LETM1: variants seen among roughly 807,000 people sequenced by gnomAD.
The protein encoded by LETM1 is leucine zipper and EF-hand containing transmembrane protein 1.
A neutral mutation model predicts 74.5 loss-of-function variants in LETM1; 50 were observed. That is an observed-to-expected ratio of 0.67 (90% CI 0.53 to 0.85). The LOEUF is 0.85. Ranked by LOEUF, LETM1 falls within the 40% of genes least tolerant of loss-of-function variation. The pLI, the probability that LETM1 is intolerant of heterozygous loss-of-function variation, is 0.00. For synonymous variants in LETM1, 446 were observed against 407.1 expected (o/e 1.10, Z -1.15); for missense variants, 824 against 967.8 (o/e 0.85, Z 1.97).
In LETM1 at chr4:1,856,049, G is replaced by C; in HGVS notation, c.-99C>G. ...CCCGGCGGCGCTTCAGACCCGGCCCGCGCGGACGGCTGACAGAGGCGGCTG... is the reference window on the plus strand; with the variant it reads ...CCCGGCGGCGCTTCAGACCCGGCCCCCGCGGACGGCTGACAGAGGCGGCTG... On this transcript the variant is annotated 5_prime_UTR_variant, in exon 1 of 14. Coordinates refer to ENST00000302787, the MANE Select transcript of LETM1 (RefSeq NM_012318.3). 1.4e-6 allele frequency: 1 copy of C among 711,720 alleles called. No homozygotes were observed. Among genetic ancestry groups the C allele is most frequent in the Non-Finnish European group, 1.9e-6 (1 of 525,528 alleles). The allele number at this position is 711,720 out of a possible 1,614,324, so 44.1% of individuals were successfully genotyped here.
At chr4:1,822,615 C>T (rs1036975007) in intron 9 of LETM1, 2 of 344,144 alleles carry the variant, frequency 5.8e-6, no homozygotes, top group African/African-American at 2.1e-5. Flanking sequence ...ATGCATGTGA[C>T]CCAAGAGGAC....
intron 12 of LETM1, 72 bp from the exon 13 acceptor site, chr4:1,815,874 T>C: frequency 6.4e-7 from 1 of 1,572,788 alleles, no homozygotes. Flanking sequence ...CCCACACCTG[T>C]GGCTGCAAGT....
intron 6 of LETM1, among the ~76,000 whole-genome samples, chr4:1,827,269 C>A (rs1208554948): frequency 7.0e-6 from 1 of 143,530 alleles, no homozygotes; most frequent in East Asian, 2.0e-4. Context: ...CCTGGATTGA[C>A]AGTTCTTTTT....
Position 1,823,777 on chromosome 4 carries a change from T to C in LETM1, c.1201-2A>G. 1 of 1,606,954 alleles carries C rather than the reference T, an allele frequency of 6.2e-7. No individual in the cohort carries two copies. Among genetic ancestry groups the C allele is most frequent in the Non-Finnish European group, 8.5e-7 (1 of 1,175,884 alleles). ...CTGATGCAGGTGCAGGTCCAGCCAC[T>C]GCAACCAAGGCCAGGTTCAGCAGAT... On this transcript the variant is annotated splice_acceptor_variant, in intron 7 of 13. Coordinates refer to ENST00000302787, the MANE Select transcript of LETM1 (RefSeq NM_012318.3). LOFTEE classifies it high-confidence loss of function.
chr4:1,830,467 G>C (rs1474789316), intron 6 of LETM1, among the ~76,000 whole-genome samples: 1 of 152,076 alleles, frequency 6.6e-6, no homozygotes, highest in Non-Finnish European at 1.5e-5. Flanking sequence ...AGTAGCTGGA[G>C]CTACAGGCGC....
intron 4 of LETM1, 82 bp from the exon 5 acceptor site, chr4:1,835,064 C>A: frequency 7.4e-7 from 1 of 1,345,010 alleles, no homozygotes; most frequent in Non-Finnish European, 1.0e-6. Flanking sequence ...CTGTGCCCGA[C>A]CCCCACTCCC....
Position 1,819,610 on chromosome 4 carries a change from G to A in LETM1, c.1609-138C>T, listed in dbSNP as rs139866003. On this transcript the variant is annotated intron_variant, in intron 10 of 13. Coordinates refer to ENST00000302787, the MANE Select transcript of LETM1 (RefSeq NM_012318.3). ...CACTGGACAGTCATTGGTAACAAGA[G>A]ACCCGCGGGGTTCAGGTTCACTGCT... 82 of 973,716 alleles carry A rather than the reference G, an allele frequency of 8.4e-5. No homozygotes were observed. The East Asian group carries it at 1.7e-3, about 20-fold the overall frequency. 60.3% of individuals were successfully genotyped at this position (973,716 alleles called of 1,614,324 possible).
intron 7 of LETM1, 51 bp downstream of exon 7, chr4:1,825,510 CTGA>C: frequency 1.3e-6 from 2 of 1,579,888 alleles, no homozygotes; most frequent in African/African-American, 1.3e-5. Flanking sequence ...CCTTTCGAGG[CTGA>C]TGTTTCCCTT....
rs764803829 is a variant in LETM1 at position 1,815,644 on chromosome 4, T to G, written c.2070+20A>C. 1.8e-5 allele frequency: 29 copies of G among 1,613,342 alleles called. No homozygotes were observed. In the South Asian group the frequency reaches 3.0e-4, roughly 17 times the overall value. The stretch of plus-strand genomic sequence containing the variant: ...CAGAGCAGGTGGCGGATGGCCTGCG[T>G]GGTCCCCAGCGAGGCCCACCTTGAC... On this transcript the variant is annotated intron_variant, in intron 13 of 13. Coordinates refer to ENST00000302787, the MANE Select transcript of LETM1 (RefSeq NM_012318.3).
chr4:1,814,092 A>G lies in LETM1; in HGVS notation c.*332T>C. Reference sequence around the variant, plus strand: ...GGTCCTCATTCTCTTCCCTGGGGACAGGGCAGCACAGTCAGATGCTGAGAC... The same window carrying G: ...GGTCCTCATTCTCTTCCCTGGGGACGGGGCAGCACAGTCAGATGCTGAGAC... On this transcript the variant is annotated 3_prime_UTR_variant, in exon 14 of 14. Transcript: ENST00000302787. 1 of 323,068 alleles carries G rather than the reference A, an allele frequency of 3.1e-6. No individual in the cohort carries two copies. Among genetic ancestry groups the G allele is most frequent in the Middle Eastern group, 1.1e-3 (1 of 910 alleles). 20.0% of individuals were successfully genotyped at this position (323,068 alleles called of 1,614,324 possible).
rs576893134 is a variant in LETM1, at chr4:1,855,709, C to T, written c.82+160G>A. The stretch of plus-strand genomic sequence containing the variant: ...TCCGCCCGGCGCTGGCGGCCCAGCC[C>T]GCGACGAGACCCGGGGCCCCACGGT... On this transcript the variant is annotated intron_variant, in intron 1 of 13. Transcript: ENST00000302787. Among the ~76,000 whole-genome samples the T allele has an allele frequency of 7.6e-3, 1,158 of 152,200 alleles. 14 individuals are homozygous for T. Among genetic ancestry groups the T allele is most frequent in the African/African-American group, 0.026 (1,084 of 41,554 alleles).
chr4:1,854,325 C>G (rs1713165618), intron 1 of LETM1, among the ~76,000 whole-genome samples: 1 of 149,240 alleles, frequency 6.7e-6, no homozygotes, highest in South Asian at 2.1e-4. Flanking sequence ...ACTAAAAATA[C>G]AAAAATTAGC....
chr4:1,839,879 C>T (rs777803699), intron 3 of LETM1, among the ~76,000 whole-genome samples: 1 of 152,166 alleles, frequency 6.6e-6, no homozygotes, highest in Non-Finnish European at 1.5e-5. Context: ...GCCCCTTCCC[C>T]GTACATACCT....
At chr4:1,855,493 T>C (rs1713209143) in intron 1 of LETM1, among the ~76,000 whole-genome samples, 1 of 152,186 alleles carries the variant, frequency 6.6e-6, no homozygotes, top group Non-Finnish European at 1.5e-5. Flanking sequence ...GCCCACCCAG[T>C]CTCGTCTCCG....
intron 3 of LETM1, 86 bp downstream of exon 3, chr4:1,841,261 C>T: frequency 7.9e-7 from 1 of 1,258,240 alleles, no homozygotes; most frequent in Non-Finnish European, 1.1e-6. Flanking sequence ...AGGAGGATCG[C>T]CCATGCCCAG....
intron 5 of LETM1, 79 bp from the exon 6 acceptor site, chr4:1,833,026 G>C: frequency 1.5e-6 from 2 of 1,294,832 alleles, no homozygotes; most frequent in East Asian, 2.3e-5. Flanking sequence ...CATTCCCAAA[G>C]GGTGCTGCCT....
At position 1,834,292 on chromosome 4, in the gene LETM1, A is replaced by G. The variant is rs1349107422; in HGVS notation, c.876+553T>C. On this transcript the variant is annotated intron_variant, in intron 5 of 13. Coordinates refer to ENST00000302787, the MANE Select transcript of LETM1 (RefSeq NM_012318.3). This position sits in a 1 kb window ranked among gnomAD's most constrained non-coding sequence, Gnocchi z 5.0. ...GTGGCACAAGTCCCTCAAGCCAACA[A>G]CACCGGCCTCGTGAACCCCATCTAG... 3.4e-5 allele frequency: 24 copies of G among 703,708 alleles called. No individual in the cohort carries two copies. The highest frequency in any genetic ancestry group is 3.7e-5 in the Non-Finnish European group (21 of 572,046). 43.6% of individuals were successfully genotyped at this position (703,708 alleles called of 1,614,324 possible). A position where few individuals can be genotyped will look rare whatever the true frequency, so the allele number is the denominator to read the frequency against.
Position 1,849,227 on chromosome 4 carries a change from GA to G in LETM1, c.83-19del. ...TGGACTACCTGTAACAGGAACAGGGGAAAATAAATGAGTAGTAAATCAGGGA... is the reference window on the plus strand; with the variant it reads ...TGGACTACCTGTAACAGGAACAGGGGAAATAAATGAGTAGTAAATCAGGGA... On this transcript the variant is annotated intron_variant, in intron 1 of 13. Coordinates refer to ENST00000302787, the MANE Select transcript of LETM1 (RefSeq NM_012318.3). The G allele has an allele frequency of 6.4e-7, 1 of 1,573,962 alleles. No homozygotes were observed. Among genetic ancestry groups the G allele is most frequent in the Non-Finnish European group, 8.7e-7 (1 of 1,143,670 alleles).
chr4:1,822,473 T>C, intron 9 of LETM1, 161 bp from the exon 10 acceptor site: 1 of 782,538 alleles, frequency 1.3e-6, no homozygotes, highest in Non-Finnish European at 1.8e-6. Flanking sequence ...GGAGGCTCCA[T>C]GCAGCTGCCA....
Sources: allele counts gnomAD v4.1 joint callset (sites outside exome capture counted in the v4.1 genomes callset), GRCh38; gene constraint gnomAD v4.1.1; non-coding constraint Gnocchi (gnomAD v3.1); transcripts MANE v1.5; gene names NCBI Gene and HGNC (gene_info 2026-07-23, HGNC 2026-07-21).